Variants in REST observed in about 807,000 individuals in gnomAD.
REST encodes RE1 silencing transcription factor, also known as RE1-silencing transcription factor.
A neutral mutation model predicts 30.4 loss-of-function variants in REST; 1 was observed. The observed-to-expected ratio is 0.03, with a 90% CI of 0.01 to 0.16. The LOEUF is 0.16. REST is among the 10% of genes least tolerant of loss of function. REST has a pLI of 1.00. For missense variants in REST, 1,259 were observed against 1,329.5 expected (o/e 0.95, Z 0.82); for synonymous variants, 504 against 451.1 (o/e 1.12, Z -1.49).
rs546619675 is a variant in REST at position 56,909,212 on chromosome 4, A to G, written c.-10+999A>G. 3.9e-5 allele frequency: 6 copies of G among 152,418 alleles called. No individual in the cohort carries two copies. The South Asian group carries it at 1.2e-3, about 32-fold the overall frequency. 9.4% of individuals were successfully genotyped at this position (152,418 alleles called of 1,614,324 possible). A position where few individuals can be genotyped will look rare whatever the true frequency, so the allele number is the denominator to read the frequency against. On this transcript the variant is annotated intron_variant, in intron 1 of 3. Transcript: ENST00000309042. Reference sequence around the variant, plus strand: ...GACGAGTGTCGGGGCGACTCCCGCGAGTTGGTGTGTAAATGTGTGCAGTGA... The same window carrying G: ...GACGAGTGTCGGGGCGACTCCCGCGGGTTGGTGTGTAAATGTGTGCAGTGA...
rs1409231394 is a variant in REST, at chr4:56,932,192, T to C, written c.*40T>C. 1 of 1,535,588 alleles carries C rather than the reference T, an allele frequency of 6.5e-7. No homozygotes were observed. Among genetic ancestry groups the C allele is most frequent in the Non-Finnish European group, 8.8e-7 (1 of 1,142,654 alleles). On this transcript the variant is annotated 3_prime_UTR_variant, in exon 4 of 4. Transcript: ENST00000309042. ...AGGTTTCAGTTCTTAGTTTGTAAGG[T>C]ATATTACATTTTATATTCATTTATG...
intron 3 of REST, among the ~76,000 whole-genome samples, chr4:56,921,470 G>A (rs949477221): frequency 6.6e-6 from 1 of 151,832 alleles, no homozygotes; most frequent in African/African-American, 2.4e-5. Context: ...GTGCAGTGGC[G>A]CGCATCTCAG....
At chr4:56,915,049 T>TGA (rs1257766376) in intron 2 of REST, among the ~76,000 whole-genome samples, 1 of 149,122 alleles carries the variant, frequency 6.7e-6, no homozygotes, top group Non-Finnish European at 1.5e-5. Context: ...CTCAGCCTCC[T>TGA]GAGTAGCTGG....
intron 2 of REST, among the ~76,000 whole-genome samples, chr4:56,913,714 T>C (rs1720038747): frequency 6.6e-6 from 1 of 152,158 alleles, no homozygotes. Context: ...AGTGACGCGA[T>C]CTCGGCTCAC....
Position 56,933,110 on chromosome 4 carries a change from G to A in REST, c.*958G>A, listed in dbSNP as rs186088023. On this transcript the variant is annotated 3_prime_UTR_variant, in exon 4 of 4. Coordinates refer to ENST00000309042, the MANE Select transcript of REST (RefSeq NM_005612.5). ...TATAACTTATTTATTTCGAATGGAT[G>A]TAGTAAATTCACAGCTATCAGTTTT... 1.4e-3 allele frequency: 218 copies of A among 151,828 alleles called. 1 individual carries two copies. Among genetic ancestry groups the A allele is most frequent in the African/African-American group, 5.1e-3 (211 of 41,242 alleles). The allele number at this position is 151,828 out of a possible 1,614,324, so 9.4% of individuals were successfully genotyped here.
In REST at chr4:56,919,748, GTGACATTTAAACACTCTTATAT is replaced by G; in HGVS notation, c.899-37_899-16del. 1 of 1,247,970 alleles carries G rather than the reference GTGACATTTAAACACTCTTATAT, an allele frequency of 8.0e-7. No homozygotes were observed. Among genetic ancestry groups the G allele is most frequent in the East Asian group, 2.3e-5 (1 of 43,024 alleles). The allele number at this position is 1,247,970 out of a possible 1,614,324, so 77.3% of individuals were successfully genotyped here. On this transcript the variant is annotated splice_polypyrimidine_tract_variant and intron_variant, in intron 2 of 3. Transcript: ENST00000309042. ...AGTGAGAATTGTATTTGGCTATTTC[GTGACATTTAAACACTCTTATAT>G]TATTGAAATTTTGCAGGAGAACGCC... is the stretch of plus-strand genomic sequence containing the variant.
intron 2 of REST, among the ~76,000 whole-genome samples, chr4:56,912,091 G>T (rs1165217184): frequency 1.3e-5 from 2 of 152,182 alleles, no homozygotes; most frequent in African/African-American, 4.8e-5. Flanking sequence ...CCTTGCACAT[G>T]CCCACTTAAC....
Position 56,910,848 on chromosome 4 carries a change from AAGAC to A in REST, c.214_217del (p.Gln72TrpfsTer4). The A allele has an allele frequency of 6.2e-7, 1 of 1,614,220 alleles. No homozygotes were observed. Among genetic ancestry groups the A allele is most frequent in the Non-Finnish European group, 8.5e-7 (1 of 1,180,042 alleles). ...GCTGTGATTACCTGGTCGGTGAAGA[AAGAC>A]AGATGGCAGAACTGATGCCGGTTGG... On this transcript the variant is annotated frameshift_variant, in exon 2 of 4. Transcript: ENST00000309042. LOFTEE classifies it high-confidence loss of function.
Position 56,930,690 on chromosome 4 carries a change from C to T in REST, c.1832C>T (p.Pro611Leu). The T allele has an allele frequency of 6.2e-7, 1 of 1,612,382 alleles. No homozygotes were observed. The highest frequency in any genetic ancestry group is 2.2e-5 in the East Asian group (1 of 44,870). ...AAGGGATCTGCTCAGATGGACCCTC[C>T]TCAGATGGGGCCTGCTCCCACAGAG... ...VEKGSAQMDP[P>L]QMGPAPTEAV... is the part of the protein sequence containing the mutation. Residue 611 changes from proline (P) to leucine (L), a missense_variant, in exon 4 of 4, where the codon CCT becomes CTT. Physicochemically the swap from Pro to Leu is moderately conservative, Grantham distance 98. Around this residue, in one of 5 missense-constraint regions of REST, gnomAD observed 856 missense variants for 772.8 expected, o/e 1.11. Transcript: ENST00000309042.
chr4:56,910,582 C>CA, intron 1 of REST, 48 bp from the exon 2 acceptor site: 1 of 1,468,144 alleles, frequency 6.8e-7, no homozygotes, highest in Non-Finnish European at 9.2e-7. Context: ...AAGCCAGTAA[C>CA]AGTAGTGTTT....
rs869154156 is a variant in REST at position 56,918,983 on chromosome 4, ATT to A, written c.899-789_899-788del. 6.7e-4 allele frequency among the ~76,000 whole-genome samples: 92 copies of A among 137,924 alleles called. 1 individual carries two copies. In the South Asian group the frequency reaches 0.015, roughly 23 times the overall value. 90.5% of individuals were successfully genotyped at this position (137,924 alleles called of 152,430 possible). On this transcript the variant is annotated intron_variant, in intron 2 of 3. Transcript: ENST00000309042. ...ACAATCCCCATGCTCAGCCCAGGCT[ATT>A]TTTTTTTTTTTTTTAAACGAGATGA...
In REST at chr4:56,914,500, A is replaced by G. The variant is rs80052479; in HGVS notation, c.898+2964A>G. On this transcript the variant is annotated intron_variant, in intron 2 of 3. Transcript: ENST00000309042. ...TTTGAAACCATTCGATTTCAGAAGT[A>G]AAGGTCAAGCATTACAAAAATACAT... Among the ~76,000 whole-genome samples, 195 of 152,320 alleles carry G rather than the reference A, an allele frequency of 1.3e-3. 2 individuals carry two copies. Among genetic ancestry groups the G allele is most frequent in the African/African-American group, 4.6e-3 (191 of 41,572 alleles).
chr4:56,931,605 C>A lies in REST; in HGVS notation c.2747C>A (p.Ser916Tyr), dbSNP rs753888665. 1 of 1,614,240 alleles carries A rather than the reference C, an allele frequency of 6.2e-7. No individual in the cohort carries two copies. The highest frequency in any genetic ancestry group is 8.5e-7 in the Non-Finnish European group (1 of 1,180,046). Residue 916 changes from serine to tyrosine, a missense_variant, in exon 4 of 4, where the codon TCT becomes TAT. This residue lies in a region of REST where 856 missense variants were observed against 772.8 expected (regional missense o/e 1.11). Coordinates refer to ENST00000309042, the MANE Select transcript of REST (RefSeq NM_005612.5). Reference protein sequence around the residue: ...LPGLAANINESTHISSSGQNL... With the variant: ...LPGLAANINEYTHISSSGQNL... ...GGTCTTGCTGCTAATATCAACGAATCTACCCATATTTCATCCTCTGGACAA... is the reference window on the plus strand; with the variant it reads ...GGTCTTGCTGCTAATATCAACGAATATACCCATATTTCATCCTCTGGACAA...
Position 56,911,455 on chromosome 4 carries a change from A to G in REST, c.817A>G (p.Arg273Gly), listed in dbSNP as rs1719905795. 6.2e-7 allele frequency: 1 copy of G among 1,614,086 alleles called. No individual in the cohort carries two copies. Among genetic ancestry groups the G allele is most frequent in the Admixed American group, 1.7e-5 (1 of 60,002 alleles). Residue 273 changes from arginine to glycine, a missense_variant, in exon 2 of 4, where the codon AGG becomes GGG. Physicochemically the swap from Arg to Gly is moderately radical, Grantham distance 125 (BLOSUM62 -2). Transcript: ENST00000309042. ...GAAACATTTAAGAAACCATTTTCCA[A>G]GGAAAGTATACACATGTGGAAAATG... Reference protein sequence around the residue: ...WRKHLRNHFPRKVYTCGKCNY... With the variant: ...WRKHLRNHFPGKVYTCGKCNY...
At position 56,910,873 on chromosome 4, in the gene REST, G is replaced by GAA. The variant is rs1204630439; in HGVS notation, c.235_236insAA (p.Val79GlufsTer22). On this transcript the variant is annotated frameshift_variant, in exon 2 of 4. Coordinates refer to ENST00000309042, the MANE Select transcript of REST (RefSeq NM_005612.5). LOFTEE classifies it high-confidence loss of function. The stretch of plus-strand genomic sequence containing the variant: ...AAGACAGATGGCAGAACTGATGCCG[G>GAA]TTGGGGATAACAACTTTTCAGATAG... The GAA allele has an allele frequency of 6.2e-7, 1 of 1,614,088 alleles. No individual in the cohort carries two copies. The highest frequency in any genetic ancestry group is 8.5e-7 in the Non-Finnish European group (1 of 1,180,036).
In REST at chr4:56,911,312, C is replaced by G; in HGVS notation, c.674C>G (p.Thr225Ser). Residue 225 changes from threonine to serine, a missense_variant, in exon 2 of 4, where the codon ACT (threonine) becomes AGT (serine). Physicochemically the swap from Thr to Ser is moderately conservative, Grantham distance 58. Coordinates refer to ENST00000309042, the MANE Select transcript of REST (RefSeq NM_005612.5). ...CGCTGTGACCGCTGCGGCTACAATA[C>G]TAATCGATATGATCACTATACAGCA... ...PIRCDRCGYNTNRYDHYTAHL... is the reference protein window; with the variant it reads ...PIRCDRCGYNSNRYDHYTAHL... 6.2e-7 allele frequency: 1 copy of G among 1,614,158 alleles called. No individual in the cohort carries two copies. Among genetic ancestry groups the G allele is most frequent in the East Asian group, 2.2e-5 (1 of 44,884 alleles).
In REST at chr4:56,911,220, G is replaced by C. The variant is rs1459464915; in HGVS notation, c.582G>C (p.Lys194Asn). 9 of 1,614,058 alleles carry C rather than the reference G, an allele frequency of 5.6e-6. No homozygotes were observed. In the Admixed American group the frequency reaches 1.5e-4, roughly 27 times the overall value. The change falls in exon 2 of 4, where the codon AAG becomes AAC. Residue 194 changes from lysine to asparagine, a missense_variant. Transcript: ENST00000309042. ...KKFFVEESAE[K>N]QAKARESGSS... The stretch of plus-strand genomic sequence containing the variant: ...TTTTTGTGGAAGAGAGTGCAGAGAA[G>C]CAGGCAAAAGCCAGGGAATCTGGCT...
rs1038052667 is a variant in REST at position 56,934,787 on chromosome 4, G to A, written c.*2635G>A. 1.3e-5 allele frequency: 2 copies of A among 152,108 alleles called. No homozygotes were observed. Among genetic ancestry groups the A allele is most frequent in the South Asian group, 2.1e-4 (1 of 4,832 alleles). 9.4% of individuals were successfully genotyped at this position (152,108 alleles called of 1,614,324 possible). On this transcript the variant is annotated 3_prime_UTR_variant, in exon 4 of 4. Transcript: ENST00000309042. ...AGAACAAAAATTGAACATGTTATTT[G>A]TAAATTGATGTTTAGTAATTAGTGA...
rs1240160532 is a variant in REST, at chr4:56,911,091, C to T, written c.453C>T (p.Gly151=). ...AAACACCTGGAGCGGAGGACAAAGG[C>T]AAGAGCTCGAAGACCAAACCCTTTC... is the stretch of plus-strand genomic sequence containing the variant. The part of the protein sequence containing the change: ...PPETPGAEDK[G]KSSKTKPFRC... Residue 151 remains glycine, a synonymous_variant, in exon 2 of 4, where the codon GGC becomes GGT. Coordinates refer to ENST00000309042, the MANE Select transcript of REST (RefSeq NM_005612.5). 6.2e-7 allele frequency: 1 copy of T among 1,614,180 alleles called. No individual in the cohort carries two copies. Among genetic ancestry groups the T allele is most frequent in the South Asian group, 1.1e-5 (1 of 91,078 alleles).
Sources: allele counts gnomAD v4.1 joint callset (sites outside exome capture counted in the v4.1 genomes callset), GRCh38; gene constraint gnomAD v4.1.1; regional missense constraint gnomAD v4.1.1; transcripts MANE v1.5; gene names NCBI Gene and HGNC (gene_info 2026-07-23, HGNC 2026-07-21).